RASGRF1: variants seen among roughly 807,000 people sequenced by gnomAD.
RASGRF1 encodes ras-specific guanine nucleotide-releasing factor 1.
A neutral mutation model predicts 138.7 loss-of-function variants in RASGRF1; 40 were observed. The observed-to-expected ratio is 0.29, with a 90% CI of 0.22 to 0.38. The LOEUF is 0.38. Among genes scored for constraint, RASGRF1 ranks in the 10% least tolerant of loss-of-function variants. The pLI, the probability that RASGRF1 is intolerant of heterozygous loss-of-function variation, is 1.00. For synonymous variants in RASGRF1, 614 were observed against 663.2 expected (o/e 0.93, Z 1.14); for missense variants, 1,108 against 1,650.4 (o/e 0.67, Z 5.69).
At chr15:79,037,772 A>G (rs1200831085) in intron 5 of RASGRF1, among the ~76,000 whole-genome samples, 1 of 151,948 alleles carries the variant, frequency 6.6e-6, no homozygotes, top group Non-Finnish European at 1.5e-5. Context: ...TTCTTTTATT[A>G]TTACATTGTA....
intron 3 of RASGRF1, 28 bp from the exon 4 acceptor site, chr15:79,049,616 G>A (rs1205063091): frequency 3.8e-6 from 6 of 1,595,710 alleles, no homozygotes; most frequent in South Asian, 1.1e-5. Flanking sequence ...GTCAGCCTGT[G>A]AGGGGCGCTG....
At position 78,973,340 on chromosome 15, in the gene RASGRF1, G is replaced by C; in HGVS notation, c.3575C>G (p.Thr1192Arg). The change falls in exon 25 of 27, where the codon ACG becomes AGG. Residue 1192 changes from threonine (T) to arginine (R), a missense_variant. Thr to Arg is a moderately conservative substitution (Grantham distance 71). Transcript: ENST00000558480. The surrounding 1 kb of genome is among the most constrained non-coding windows in gnomAD (Gnocchi z 4.9). The stretch of plus-strand genomic sequence containing the variant: ...GGAGAAGTTGACCAGGCCGTCTTCC[G>C]TGTAATTGGGCGTCCCCTCCTCGAT... ...AFIEEGTPNY[T>R]EDGLVNFSKM... 1 of 1,613,658 alleles carries C rather than the reference G, an allele frequency of 6.2e-7. No homozygotes were observed. The highest frequency in any genetic ancestry group is 8.5e-7 in the Non-Finnish European group (1 of 1,179,686).
At chr15:78,983,992 G>A (rs944115352) in intron 23 of RASGRF1, among the ~76,000 whole-genome samples, 2 of 152,188 alleles carry the variant, frequency 1.3e-5, no homozygotes, top group Non-Finnish European at 2.9e-5. Context: ...TAGCAGAGAT[G>A]TCCCAGATGA....
intron 26 of RASGRF1, among the ~76,000 whole-genome samples, chr15:78,969,442 G>A (rs1297742967): frequency 2.0e-5 from 3 of 152,104 alleles, no homozygotes; most frequent in Admixed American, 6.6e-5. Flanking sequence ...AGGCTGAGGC[G>A]GGTGGATCAC....
chr15:79,075,593 C>T (rs1028285098), intron 1 of RASGRF1, among the ~76,000 whole-genome samples: 3 of 152,228 alleles, frequency 2.0e-5, no homozygotes, highest in Non-Finnish European at 4.4e-5. Context: ...CCAGCAGCCC[C>T]TACAGCCTCT....
chr15:79,086,190 T>C (rs759175980), intron 1 of RASGRF1, among the ~76,000 whole-genome samples: 1 of 152,198 alleles, frequency 6.6e-6, no homozygotes, highest in Non-Finnish European at 1.5e-5. Context: ...ACCATATGTA[T>C]ACCAGCGTCC....
Position 79,020,616 on chromosome 15 carries a change from C to G in RASGRF1, c.1543-512G>C, listed in dbSNP as rs80324800. On this transcript the variant is annotated intron_variant, in intron 10 of 26. Coordinates refer to ENST00000558480, the MANE Select transcript of RASGRF1 (RefSeq NM_001145648.3). Reference sequence around the variant, plus strand: ...GTCCGCTGGCAAGTTAGCAGTGAGTCTGGAGAGAGCCTCAAGGGCCCGATC... The same window carrying G: ...GTCCGCTGGCAAGTTAGCAGTGAGTGTGGAGAGAGCCTCAAGGGCCCGATC... Among the ~76,000 whole-genome samples, 751 of 152,322 alleles carry G rather than the reference C, an allele frequency of 4.9e-3. 5 individuals carry two copies. Among genetic ancestry groups the G allele is most frequent in the African/African-American group, 0.016 (655 of 41,566 alleles).
chr15:79,052,890 C>G (rs932428645), intron 3 of RASGRF1, among the ~76,000 whole-genome samples: 1 of 152,074 alleles, frequency 6.6e-6, no homozygotes, highest in Non-Finnish European at 1.5e-5. Flanking sequence ...TGGGGAAGGA[C>G]CAAGGCCACC....
intron 5 of RASGRF1, among the ~76,000 whole-genome samples, chr15:79,043,235 CTT>C (rs1346370232): frequency 1.3e-5 from 2 of 152,128 alleles, no homozygotes; most frequent in Non-Finnish European, 2.9e-5. Flanking sequence ...ATGTATTACT[CTT>C]TTTATATATT....
At chr15:78,989,448 C>T (rs1395575658) in intron 22 of RASGRF1, among the ~76,000 whole-genome samples, 1 of 151,884 alleles carries the variant, frequency 6.6e-6, no homozygotes, top group East Asian at 1.9e-4. Flanking sequence ...ACTGTGGCCT[C>T]CTAACATTAA....
intron 23 of RASGRF1, 144 bp from the exon 24 acceptor site, chr15:78,980,843 G>T: frequency 3.7e-6 from 2 of 545,532 alleles, no homozygotes; most frequent in Non-Finnish European, 6.4e-6. Flanking sequence ...CTGTGTTTGG[G>T]CACCTTGCCC....
rs969458915 is a variant in RASGRF1, at chr15:79,035,031, C to T, written c.958+100G>A. ...GGATTCTGTGGGTTTTAAAAAGTGA[C>T]ACTCTATTATGCTCTAGAAGGACAA... On this transcript the variant is annotated intron_variant, in intron 6 of 26. Coordinates refer to ENST00000558480, the MANE Select transcript of RASGRF1 (RefSeq NM_001145648.3). 10 of 928,762 alleles carry T rather than the reference C, an allele frequency of 1.1e-5. No individual in the cohort carries two copies. The South Asian group carries it at 2.0e-4, about 18-fold the overall frequency. The allele number at this position is 928,762 out of a possible 1,614,324, so 57.5% of individuals were successfully genotyped here.
chr15:79,049,306 A>T (rs560223260), intron 4 of RASGRF1, among the ~76,000 whole-genome samples, 190 bp downstream of exon 4: 1 of 152,066 alleles, frequency 6.6e-6, no homozygotes, highest in Non-Finnish European at 1.5e-5. Context: ...CATAGGGACA[A>T]CCAGAAGAAA....
At chr15:79,013,861 A>T (rs960439449) in intron 13 of RASGRF1, among the ~76,000 whole-genome samples, 3 of 152,228 alleles carry the variant, frequency 2.0e-5, no homozygotes, top group African/African-American at 7.2e-5. Flanking sequence ...AAACAAACAC[A>T]GTGGTCCTGG....
intron 14 of RASGRF1, among the ~76,000 whole-genome samples, chr15:79,005,914 C>T (rs2056662129): frequency 6.6e-6 from 1 of 152,116 alleles, no homozygotes; most frequent in Non-Finnish European, 1.5e-5. Context: ...GTGAGAGCAC[C>T]CTCCACACCC....
At chr15:79,083,436 C>G (rs1031900894) in intron 1 of RASGRF1, among the ~76,000 whole-genome samples, 16 of 152,248 alleles carry the variant, frequency 1.1e-4, no homozygotes, top group African/African-American at 3.9e-4. Context: ...CCACAGATTC[C>G]AGGGAAACCG....
chr15:78,991,779 C>G lies in RASGRF1; in HGVS notation c.3043G>C (p.Ala1015Pro), dbSNP rs528237918. 6.2e-7 allele frequency: 1 copy of G among 1,613,064 alleles called. No homozygotes were observed. The highest frequency in any genetic ancestry group is 2.2e-5 in the East Asian group (1 of 44,826). ...GCTGAGTGGTTTTCAAAGGGCTCAG[C>G]CTTCACGCCTTCAGCCTGGTTTTGA... ...EITQMAEGVK[A>P]EPFENHSALE... Residue 1015 changes from alanine (A) to proline (P), a missense_variant, in exon 21 of 27, where the codon GCT (alanine) becomes CCT (proline). Ala to Pro is a conservative substitution (Grantham distance 27, BLOSUM62 -1). Transcript: ENST00000558480.
chr15:79,035,076 G>A, intron 6 of RASGRF1, 55 bp downstream of exon 6: 2 of 1,463,286 alleles, frequency 1.4e-6, no homozygotes, highest in Non-Finnish European at 1.9e-6. Context: ...AGGCTTTTGG[G>A]GTGGCCCCTG....
chr15:79,014,166 C>T (rs1458805295), intron 13 of RASGRF1, among the ~76,000 whole-genome samples: 1 of 152,172 alleles, frequency 6.6e-6, no homozygotes, highest in Admixed American at 6.5e-5. Flanking sequence ...ACTAGCACAA[C>T]CACTATGGAA....
Sources: gnomAD v4.1 joint callset for allele counts (sites outside exome capture counted in the v4.1 genomes callset) on GRCh38, gnomAD v4.1.1 for gene constraint, Gnocchi (gnomAD v3.1) non-coding constraint, MANE v1.5 for transcripts, NCBI Gene and HGNC (gene_info 2026-07-23, HGNC 2026-07-21) for gene names.